Variants in PCDH15 observed in about 807,000 individuals in gnomAD.
PCDH15 encodes protocadherin related 15.
PCDH15 carries 129 observed loss-of-function variants against 178.5 expected under a neutral mutation model. The ratio of observed to expected loss-of-function variants is 0.72; its 90% confidence interval spans 0.63 to 0.84. The LOEUF is 0.84. PCDH15 is among the 40% of genes least tolerant of loss of function. The pLI is 0.00. For missense variants in PCDH15, 2,230 were observed against 2,099.9 expected (o/e 1.06, Z -1.21); for synonymous variants, 800 against 732.0 (o/e 1.09, Z -1.50).
chr10:54,133,854 T>TACACACAC (rs1432404919), intron 14 of PCDH15, among the ~76,000 whole-genome samples: 4 of 91,388 alleles, frequency 4.4e-5, no homozygotes, highest in African/African-American at 2.4e-4. Context: ...TATATATGTA[T>TACACACAC]ACATACACAC....
intron 25 of PCDH15, among the ~76,000 whole-genome samples, chr10:53,926,793 A>G (rs761233257): frequency 6.6e-6 from 1 of 152,090 alleles, no homozygotes; most frequent in Non-Finnish European, 1.5e-5. Context: ...ATTTCAAATC[A>G]TGCATGTCTA....
intron 18 of PCDH15, among the ~76,000 whole-genome samples, chr10:54,045,949 A>G (rs1246004789): frequency 6.6e-6 from 1 of 152,150 alleles, no homozygotes; most frequent in African/African-American, 2.4e-5. Flanking sequence ...GGAGGGGCTC[A>G]TTTCTATAAT....
intron 2 of PCDH15, among the ~76,000 whole-genome samples, chr10:54,985,407 T>C (rs1839340056): frequency 6.6e-6 from 1 of 152,218 alleles, no homozygotes; most frequent in Non-Finnish European, 1.5e-5. Flanking sequence ...CTCCTTGACT[T>C]ACAATGAGGT....
At chr10:54,580,856 G>T (rs1411052140) in intron 2 of PCDH15, among the ~76,000 whole-genome samples, 2 of 151,970 alleles carry the variant, frequency 1.3e-5, no homozygotes, top group Non-Finnish European at 2.9e-5. Context: ...ATGTAATTAT[G>T]ATCATCTCCA....
intron 2 of PCDH15, among the ~76,000 whole-genome samples, chr10:55,343,756 A>G (rs1844666694): frequency 6.6e-6 from 1 of 152,160 alleles, no homozygotes; most frequent in Non-Finnish European, 1.5e-5. Context: ...ACATGGTTTG[A>G]ACTTTTATTA....
Position 54,020,210 on chromosome 10 carries a change from A to G in PCDH15, c.2733T>C (p.Thr911=), listed in dbSNP as rs1308026363. ...IYGTMPPGIA[T]VTVIVKDMND... ...CCCTTACCTTTACAATCACTGTGACAGTAGCAATACCAGGTGGCATTGTTC... is the reference window on the plus strand; with the variant it reads ...CCCTTACCTTTACAATCACTGTGACGGTAGCAATACCAGGTGGCATTGTTC... Residue 911 remains threonine (T), a synonymous_variant, in exon 20 of 38, where the codon ACT becomes ACC. Transcript: ENST00000644397. 1 of 1,613,646 alleles carries G rather than the reference A, an allele frequency of 6.2e-7. No homozygotes were observed. The highest frequency in any genetic ancestry group is 8.5e-7 in the Non-Finnish European group (1 of 1,179,662).
chr10:55,195,364 C>T lies in PCDH15; in HGVS notation c.-155-28713G>A, dbSNP rs188184934. On this transcript the variant is annotated intron_variant, in intron 1 of 5. Transcript: ENST00000458638. ...CTTATGTTAGAAATGTAGTAGAAGC[C>T]GGGCGCTGTGATTCACGCCTGTAAT... Among the ~76,000 whole-genome samples, 283 of 151,426 alleles carry T rather than the reference C, an allele frequency of 1.9e-3. 2 individuals carry two copies. The highest frequency in any genetic ancestry group is 4.3e-3 in the Admixed American group (66 of 15,182).
chr10:55,198,545 G>A (rs111489016), intron 1 of PCDH15, among the ~76,000 whole-genome samples: 17,574 of 152,050 alleles, frequency 0.12, 1,431 homozygotes, highest in Non-Finnish European at 0.17. Context: ...GGAGAGCAGT[G>A]GCGCGATAAC....
intron 15 of PCDH15, among the ~76,000 whole-genome samples, chr10:54,127,890 A>T (rs1372717284): frequency 6.6e-6 from 1 of 152,136 alleles, no homozygotes; most frequent in African/African-American, 2.4e-5. Flanking sequence ...AAACTGTCTC[A>T]TTTTAATTAA....
At chr10:53,897,959 C>CTTTTTTTTT (rs66513139) in intron 26 of PCDH15, among the ~76,000 whole-genome samples, 1,487 of 82,364 alleles carry the variant, frequency 0.018, 183 homozygotes, top group African/African-American at 0.076. Flanking sequence ...TTTCTTTTCC[C>CTTTTTTTTT]TTTTTTTTTT....
At chr10:55,016,457 A>C (rs181456449) in intron 2 of PCDH15, among the ~76,000 whole-genome samples, 1 of 152,188 alleles carries the variant, frequency 6.6e-6, no homozygotes, top group Non-Finnish European at 1.5e-5. Flanking sequence ...TATCTCCATG[A>C]GTTCAATTGT....
At chr10:54,521,135 T>C (rs887589468) in intron 3 of PCDH15, among the ~76,000 whole-genome samples, 12 of 151,656 alleles carry the variant, frequency 7.9e-5, no homozygotes, top group East Asian at 5.9e-4. Flanking sequence ...ATGGGTGCAG[T>C]ACACCAACAT....
intron 2 of PCDH15, among the ~76,000 whole-genome samples, chr10:55,005,601 C>T (rs576386206): frequency 1.3e-5 from 2 of 152,164 alleles, no homozygotes; most frequent in South Asian, 2.1e-4. Context: ...CCAGCTACTG[C>T]AACTGTATTT....
Position 54,774,100 on chromosome 10 carries a change from C to T in PCDH15, c.-29+26825G>A, listed in dbSNP as rs1307908549. On this transcript the variant is annotated intron_variant, in intron 1 of 37. Coordinates refer to ENST00000644397, the MANE Select transcript of PCDH15 (RefSeq NM_001384140.1). ...CTGGAGTGCAGTGGCGCGGTCTCGGCTCACTGCAAGCTCCGCCTCCTGGGT... is the reference window on the plus strand; with the variant it reads ...CTGGAGTGCAGTGGCGCGGTCTCGGTTCACTGCAAGCTCCGCCTCCTGGGT... 5.0e-5 allele frequency among the ~76,000 whole-genome samples: 7 copies of T among 138,702 alleles called. No homozygotes were observed. The East Asian group carries it at 1.2e-3, about 24-fold the overall frequency. The allele number at this position is 138,702 out of a possible 152,430, so 91.0% of individuals were successfully genotyped here. A position where few individuals can be genotyped will look rare whatever the true frequency, so the allele number is the denominator to read the frequency against.
chr10:53,984,020 C>G (rs190902745), intron 21 of PCDH15, among the ~76,000 whole-genome samples: 1 of 151,894 alleles, frequency 6.6e-6, no homozygotes, highest in Non-Finnish European at 1.5e-5. Flanking sequence ...ACCTTCAGAC[C>G]TCCGCTCAGA....
intron 8 of PCDH15, among the ~76,000 whole-genome samples, chr10:54,252,382 G>C (rs140236300): frequency 7.2e-5 from 11 of 152,288 alleles, no homozygotes; most frequent in Non-Finnish European, 1.6e-4. Flanking sequence ...TGACATCACA[G>C]AAGAGGTGTT....
At position 54,020,046 on chromosome 10, in the gene PCDH15, T is replaced by C. The variant is rs76900627; in HGVS notation, c.2751+146A>G. The C allele has an allele frequency of 2.6e-3, 1,822 of 697,044 alleles. 20 individuals carry two copies. The African/African-American group carries it at 0.027, about 10-fold the overall frequency. The allele number at this position is 697,044 out of a possible 1,614,324, so 43.2% of individuals were successfully genotyped here. A position where few individuals can be genotyped will look rare whatever the true frequency, so the allele number is the denominator to read the frequency against. On this transcript the variant is annotated intron_variant, in intron 20 of 37. Transcript: ENST00000644397. ...TTATTTCTTATGTATTCATAAATAT[T>C]TCCATTGGAAAATCTATGTTATGGG... is the stretch of plus-strand genomic sequence containing the variant.
chr10:54,425,216 A>G (rs1396196370), intron 3 of PCDH15, among the ~76,000 whole-genome samples: 1 of 152,104 alleles, frequency 6.6e-6, no homozygotes, highest in Non-Finnish European at 1.5e-5. Context: ...GACTTTTTAA[A>G]GAGGGGATTG....
intron 26 of PCDH15, among the ~76,000 whole-genome samples, chr10:53,887,360 G>GA (rs1396741917): frequency 6.6e-6 from 1 of 152,112 alleles, no homozygotes; most frequent in African/African-American, 2.4e-5. Context: ...TAACCAATAA[G>GA]AAAAATACTA....
Sources: allele counts gnomAD v4.1 joint callset (sites outside exome capture counted in the v4.1 genomes callset), GRCh38; gene constraint gnomAD v4.1.1; transcripts MANE v1.5; gene names NCBI Gene and HGNC (gene_info 2026-07-23, HGNC 2026-07-21).